Variants in ARHGEF9 observed in about 807,000 individuals in gnomAD.
The protein encoded by ARHGEF9 is rho guanine nucleotide exchange factor 9.
A neutral mutation model predicts 41.3 loss-of-function variants in ARHGEF9; 2 were observed. That is an observed-to-expected ratio of 0.05 (90% CI 0.02 to 0.15). The LOEUF is 0.15. Ranked by LOEUF, ARHGEF9 falls within the 10% of genes least tolerant of loss-of-function variation. The probability of loss-of-function intolerance (pLI) is 1.00; values close to 1 mark genes in which losing one functional copy is unlikely to be tolerated. For synonymous variants in ARHGEF9, 160 were observed against 154.4 expected (o/e 1.04, Z -0.27); for missense variants, 225 against 424.7 (o/e 0.53, Z 4.13).
chrX:63,675,529 TA>T (rs1475692694), intron 5 of ARHGEF9, among the ~76,000 whole-genome samples: 1 of 112,046 alleles, frequency 8.9e-6, no homozygotes, highest in Non-Finnish European at 1.9e-5. Context: ...TCCTCATCTG[TA>T]AAATGGGGAA....
intron 7 of ARHGEF9, among the ~76,000 whole-genome samples, chrX:63,663,239 G>T (rs782481377): frequency 9.0e-6 from 1 of 111,620 alleles, no homozygotes; most frequent in Non-Finnish European, 1.9e-5. Context: ...GGGGTTGTCA[G>T]ACTATCACTT....
intron 1 of ARHGEF9, among the ~76,000 whole-genome samples, chrX:63,768,942 G>A (rs1297862259): frequency 8.9e-6 from 1 of 111,791 alleles, no homozygotes; most frequent in Non-Finnish European, 1.9e-5. Context: ...TCAGCAGTGT[G>A]AAAACAAACA....
At position 63,747,385 on chromosome X, in the gene ARHGEF9, C is replaced by G. The variant is rs1432806132; in HGVS notation, c.31-22674G>C. 4.5e-5 allele frequency among the ~76,000 whole-genome samples: 5 copies of G among 111,865 alleles called. No individual in the cohort carries two copies. The Admixed American group carries it at 4.7e-4, about 11-fold the overall frequency. ...ATTAGGTCTCCAGACTACTCATTCCCTAGGGTTGATTCCTCCTTTTTAGAG... is the reference window on the plus strand; with the variant it reads ...ATTAGGTCTCCAGACTACTCATTCCGTAGGGTTGATTCCTCCTTTTTAGAG... On this transcript the variant is annotated intron_variant, in intron 1 of 9. Coordinates refer to ENST00000671741, the MANE Select transcript of ARHGEF9 (RefSeq NM_001353921.2).
At chrX:63,783,207 A>C (rs2056409109) in intron 1 of ARHGEF9, among the ~76,000 whole-genome samples, 1 of 111,267 alleles carries the variant, frequency 9.0e-6, no homozygotes, top group Non-Finnish European at 1.9e-5. Context: ...AGAGGAAGTA[A>C]GTCTCACCCT....
intron 2 of ARHGEF9, among the ~76,000 whole-genome samples, chrX:63,717,023 T>A (rs2053349155): frequency 8.9e-6 from 1 of 112,554 alleles, no homozygotes. Context: ...GCACATGGCA[T>A]TCAGGGCCAA....
At chrX:63,777,700 G>A (rs1474154321) in intron 1 of ARHGEF9, among the ~76,000 whole-genome samples, 1 of 112,481 alleles carries the variant, frequency 8.9e-6, no homozygotes, top group African/African-American at 3.2e-5. Context: ...TTCCAAATGG[G>A]ATAAATTGGC....
chrX:63,645,004 G>A (rs1346307254), intron 8 of ARHGEF9, among the ~76,000 whole-genome samples: 1 of 108,922 alleles, frequency 9.2e-6, no homozygotes, highest in Admixed American at 9.9e-5. Flanking sequence ...TGAATTCCTG[G>A]GCTCAAACGA....
intron 1 of ARHGEF9, among the ~76,000 whole-genome samples, chrX:63,735,690 G>T (rs1328482558): frequency 9.0e-6 from 1 of 111,495 alleles, no homozygotes; most frequent in African/African-American, 3.3e-5. Context: ...CAGGAAAAAT[G>T]AATATATTTC....
intron 1 of ARHGEF9, among the ~76,000 whole-genome samples, chrX:63,750,381 A>C (rs782470912): frequency 9.0e-6 from 1 of 111,286 alleles, no homozygotes; most frequent in Non-Finnish European, 1.9e-5. Flanking sequence ...GGTGGGTGAG[A>C]GTCTCTGAGC....
intron 4 of ARHGEF9, among the ~76,000 whole-genome samples, chrX:63,692,361 CA>C (rs782064834): frequency 9.0e-6 from 1 of 111,495 alleles, no homozygotes; most frequent in Non-Finnish European, 1.9e-5. Context: ...AACTCAATAG[CA>C]AAAAAACACA....
At chrX:63,670,996 T>C (rs1327352755) in intron 6 of ARHGEF9, among the ~76,000 whole-genome samples, 1 of 112,073 alleles carries the variant, frequency 8.9e-6, no homozygotes, top group African/African-American at 3.2e-5. Flanking sequence ...CAGACACTAA[T>C]TGCCTGCATG....
chrX:63,757,309 G>A (rs781888380), intron 1 of ARHGEF9, among the ~76,000 whole-genome samples: 1 of 111,893 alleles, frequency 8.9e-6, no homozygotes, highest in Admixed American at 9.5e-5. Context: ...TTGCTTGCAC[G>A]TAAGCAGAGA....
At position 63,637,276 on chromosome X, in the gene ARHGEF9, C is replaced by T. The variant is rs2047356503; in HGVS notation, c.*752G>A. On this transcript the variant is annotated 3_prime_UTR_variant, in exon 10 of 10. Transcript: ENST00000671741. Reference sequence around the variant, plus strand: ...ATCATCATAGTCTGATACTCCCTTGCTTCTGTTTGGTTTTTTGATCCCTTC... The same window carrying T: ...ATCATCATAGTCTGATACTCCCTTGTTTCTGTTTGGTTTTTTGATCCCTTC... 1 of 295,453 alleles carries T rather than the reference C, an allele frequency of 3.4e-6. No individual in the cohort carries two copies. Among genetic ancestry groups the T allele is most frequent in the Admixed American group, 6.2e-5 (1 of 16,108 alleles). 24.3% of individuals were successfully genotyped at this position (295,453 alleles called of 1,213,427 possible).
At chrX:63,647,248 C>A (rs1426444613) in intron 8 of ARHGEF9, among the ~76,000 whole-genome samples, 10 of 111,586 alleles carry the variant, frequency 9.0e-5, no homozygotes, top group African/African-American at 2.9e-4. Context: ...ATTGCCCTGG[C>A]CAGAACTTCC....
At chrX:63,752,558 T>A (rs2055717935) in intron 1 of ARHGEF9, among the ~76,000 whole-genome samples, 1 of 111,067 alleles carries the variant, frequency 9.0e-6, no homozygotes, top group Non-Finnish European at 1.9e-5. Flanking sequence ...CTCAGTTCCA[T>A]CCAGGGGGTC....
chrX:63,724,000 C>G (rs1413882062), intron 2 of ARHGEF9, among the ~76,000 whole-genome samples: 2 of 112,012 alleles, frequency 1.8e-5, no homozygotes, highest in African/African-American at 6.5e-5. Context: ...GCCTGGGGGG[C>G]AGGGAGCTCA....
At chrX:63,759,416 C>A (rs1556448700) in intron 1 of ARHGEF9, among the ~76,000 whole-genome samples, 3 of 111,514 alleles carry the variant, frequency 2.7e-5, no homozygotes, top group Admixed American at 1.9e-4. Context: ...AACATCCCCA[C>A]TAATTGGTTA....
At chrX:63,746,426 A>C (rs1367736281) in intron 1 of ARHGEF9, among the ~76,000 whole-genome samples, 5 of 111,522 alleles carry the variant, frequency 4.5e-5, no homozygotes, top group Non-Finnish European at 9.4e-5. Flanking sequence ...TTTAATTCTC[A>C]GAGTCATGAC....
At chrX:63,642,003 C>A (rs2047666111) in intron 9 of ARHGEF9, 1 of 113,058 alleles carries the variant, frequency 8.8e-6, no homozygotes, top group South Asian at 3.7e-4. Context: ...GAGACTCGGA[C>A]TGACTTCCTT....
Sources: allele counts gnomAD v4.1 joint callset (sites outside exome capture counted in the v4.1 genomes callset), GRCh38; gene constraint gnomAD v4.1.1; transcripts MANE v1.5; gene names NCBI Gene and HGNC (gene_info 2026-07-23, HGNC 2026-07-21).